MAGI3: variants seen among roughly 807,000 people sequenced by gnomAD.
The protein encoded by MAGI3 is membrane-associated guanylate kinase, WW and PDZ domain-containing protein 3.
Under a neutral mutation model 121.8 loss-of-function variants are expected in MAGI3, and 43 were observed. That is an observed-to-expected ratio of 0.35 (90% CI 0.28 to 0.46). MAGI3 has a LOEUF of 0.46. MAGI3 is among the 20% of genes least tolerant of loss of function. MAGI3 has a pLI of 1.00. For synonymous variants in MAGI3, 553 were observed against 639.3 expected (o/e 0.86, Z 2.04); for missense variants, 1,547 against 1,797.3 (o/e 0.86, Z 2.52).
At chr1:113,537,441 A>T (rs931078847) in intron 1 of MAGI3, among the ~76,000 whole-genome samples, 1 of 152,140 alleles carries the variant, frequency 6.6e-6, no homozygotes. Flanking sequence ...AGGTTTGCCT[A>T]CTGACATCAC....
intron 1 of MAGI3, among the ~76,000 whole-genome samples, chr1:113,434,636 C>A (rs1339876278): frequency 6.6e-6 from 1 of 152,184 alleles, no homozygotes; most frequent in Non-Finnish European, 1.5e-5. Context: ...TTATAACACA[C>A]TGTATTATAA....
Position 113,390,532 on chromosome 1 carries a change from G to A in MAGI3, c.-502G>A, listed in dbSNP as rs1364405703. 6.6e-6 allele frequency among the ~76,000 whole-genome samples: 1 copy of A among 152,176 alleles called. No homozygotes were observed. Among genetic ancestry groups the A allele is most frequent in the African/African-American group, 2.4e-5 (1 of 41,456 alleles). On this transcript the variant is annotated 5_prime_UTR_variant, in exon 1 of 21. Transcript: ENST00000307546. ...AAAGCGGCAGTTTCCTGGCAGCTTG[G>A]GCAGGCGTTGGTCTCCGCGCTACAG...
intron 6 of MAGI3, among the ~76,000 whole-genome samples, chr1:113,605,797 A>G (rs1209683744): frequency 6.6e-6 from 1 of 151,888 alleles, no homozygotes. Context: ...ACGGGGTTTC[A>G]CCGTATTGGC....
At chr1:113,634,948 C>T (rs545167784) in intron 9 of MAGI3, among the ~76,000 whole-genome samples, 224 of 152,156 alleles carry the variant, frequency 1.5e-3, no homozygotes, top group African/African-American at 5.2e-3. Flanking sequence ...AGGTCCTTCA[C>T]GTCCCTTGTA....
chr1:113,650,620 C>T (rs1217447210), intron 13 of MAGI3, among the ~76,000 whole-genome samples: 2 of 152,194 alleles, frequency 1.3e-5, no homozygotes, highest in South Asian at 2.1e-4. Context: ...ATCCCAGTTG[C>T]TGTGAACAGT....
chr1:113,662,902 C>T (rs990406706), intron 16 of MAGI3, among the ~76,000 whole-genome samples: 4 of 152,042 alleles, frequency 2.6e-5, no homozygotes, highest in African/African-American at 4.8e-5. Flanking sequence ...TTGGGATAGA[C>T]TTCATATACT....
At chr1:113,496,801 G>A (rs1482247630) in intron 1 of MAGI3, among the ~76,000 whole-genome samples, 1 of 152,184 alleles carries the variant, frequency 6.6e-6, no homozygotes, top group Non-Finnish European at 1.5e-5. Flanking sequence ...TAATGAGCAA[G>A]TAAATTTGTA....
In MAGI3 at chr1:113,521,132, G is replaced by A. The variant is rs189220892; in HGVS notation, c.317-28383G>A. Among the ~76,000 whole-genome samples the A allele has an allele frequency of 3.8e-4, 57 of 150,620 alleles. No individual in the cohort carries two copies. In the East Asian group the frequency reaches 0.011, roughly 28 times the overall value. On this transcript the variant is annotated intron_variant, in intron 1 of 20. Coordinates refer to ENST00000307546, the MANE Select transcript of MAGI3 (RefSeq NM_001142782.2). ...GACAAAGTCTCGCTCTATCACCCAG[G>A]CTGGAGTGCAGTGGCTCAATCTCGG...
intron 1 of MAGI3, among the ~76,000 whole-genome samples, chr1:113,513,404 G>A (rs1657719302): frequency 6.6e-6 from 1 of 152,146 alleles, no homozygotes; most frequent in Non-Finnish European, 1.5e-5. Flanking sequence ...GACCAAAACA[G>A]CATGGTACTG....
chr1:113,506,412 T>C (rs1657327763), intron 1 of MAGI3, among the ~76,000 whole-genome samples: 1 of 149,234 alleles, frequency 6.7e-6, no homozygotes, highest in Admixed American at 6.7e-5. Flanking sequence ...AAACCTCATA[T>C]CCCTTTTTTT....
At chr1:113,410,368 A>G (rs1274749677) in intron 1 of MAGI3, among the ~76,000 whole-genome samples, 1 of 152,092 alleles carries the variant, frequency 6.6e-6, no homozygotes, top group Non-Finnish European at 1.5e-5. Flanking sequence ...AAGAATCAGG[A>G]CAAAAAATTG....
chr1:113,545,791 G>A (rs989586193), intron 1 of MAGI3, among the ~76,000 whole-genome samples: 12 of 152,150 alleles, frequency 7.9e-5, no homozygotes, highest in African/African-American at 2.2e-4. Flanking sequence ...AAGCCAAGGC[G>A]TAATATTAGC....
chr1:113,423,834 T>C (rs919085504), intron 1 of MAGI3, among the ~76,000 whole-genome samples: 6 of 150,692 alleles, frequency 4.0e-5, no homozygotes, highest in Admixed American at 6.6e-5. Flanking sequence ...CTTCCATGCT[T>C]GTTGGCATCC....
chr1:113,651,831 T>G (rs1046532962), intron 14 of MAGI3, among the ~76,000 whole-genome samples: 1 of 152,196 alleles, frequency 6.6e-6, no homozygotes, highest in Non-Finnish European at 1.5e-5. Context: ...AATACAAAAT[T>G]ATTTAGTCAT....
In MAGI3 at chr1:113,456,197, C is replaced by A. The variant is rs985050806; in HGVS notation, c.316+64848C>A. On this transcript the variant is annotated intron_variant, in intron 1 of 20. Coordinates refer to ENST00000307546, the MANE Select transcript of MAGI3 (RefSeq NM_001142782.2). ...AACCAGGATGTTCTTGATCTCCTGA[C>A]CTCGTGATCCGCCCACCTCAGCCTC... Among the ~76,000 whole-genome samples, 12 of 146,100 alleles carry A rather than the reference C, an allele frequency of 8.2e-5. No individual in the cohort carries two copies. In the East Asian group the frequency reaches 2.3e-3, roughly 28 times the overall value.
chr1:113,580,803 G>A, intron 3 of MAGI3, 142 bp downstream of exon 3: 2 of 600,342 alleles, frequency 3.3e-6, no homozygotes, highest in South Asian at 4.2e-5. Flanking sequence ...TCTTTTGATG[G>A]GGAGATTTGT....
chr1:113,421,682 G>C (rs1312907183), intron 1 of MAGI3, among the ~76,000 whole-genome samples: 1 of 151,152 alleles, frequency 6.6e-6, no homozygotes, highest in East Asian at 1.9e-4. Context: ...CTTAATATAT[G>C]ATTCTTCATA....
intron 6 of MAGI3, among the ~76,000 whole-genome samples, chr1:113,603,628 A>G (rs567999152): frequency 6.6e-6 from 1 of 152,238 alleles, no homozygotes; most frequent in African/African-American, 2.4e-5. Context: ...ACAAAAATAA[A>G]TGCGACCTAA....
intron 1 of MAGI3, among the ~76,000 whole-genome samples, chr1:113,432,710 A>G (rs975767065): frequency 1.3e-5 from 2 of 152,046 alleles, no homozygotes; most frequent in Non-Finnish European, 2.9e-5. Flanking sequence ...TTAAAGAGTT[A>G]TTTATCAGGA....
Sources: gnomAD v4.1 joint callset for allele counts (sites outside exome capture counted in the v4.1 genomes callset) on GRCh38, gnomAD v4.1.1 for gene constraint, MANE v1.5 for transcripts, NCBI Gene and HGNC (gene_info 2026-07-23, HGNC 2026-07-21) for gene names.